KREMEN1: variants seen among roughly 807,000 people sequenced by gnomAD.
KREMEN1 encodes the protein kremen protein 1.
KREMEN1 carries 30 observed loss-of-function variants against 46.5 expected under a neutral mutation model. The observed-to-expected ratio is 0.65, with a 90% CI of 0.48 to 0.88. The LOEUF (loss-of-function observed/expected upper bound fraction) is 0.88. Among genes scored for constraint, KREMEN1 ranks in the 40% least tolerant of loss-of-function variants. KREMEN1 has a pLI of 0.00. For synonymous variants in KREMEN1, 214 were observed against 230.6 expected (o/e 0.93, Z 0.65); for missense variants, 533 against 596.9 (o/e 0.89, Z 1.11).
Position 29,143,824 on chromosome 22 carries a change from G to A in KREMEN1, c.*1712G>A. ...CAAGTGGGGTTAGGAATGGCTCAGT[G>A]GGGAAGGAGAGCACTCTTGTCCCCA... On this transcript the variant is annotated 3_prime_UTR_variant, in exon 9 of 9. Coordinates refer to ENST00000400335, the MANE Select transcript of KREMEN1 (RefSeq NM_001039570.3). 1.0e-6 allele frequency: 1 copy of A among 985,478 alleles called. No individual in the cohort carries two copies. Among genetic ancestry groups the A allele is most frequent in the Non-Finnish European group, 1.2e-6 (1 of 830,054 alleles). 61.0% of individuals were successfully genotyped at this position (985,478 alleles called of 1,614,324 possible). A position where few individuals can be genotyped will look rare whatever the true frequency, so the allele number is the denominator to read the frequency against.
intron 2 of KREMEN1, among the ~76,000 whole-genome samples, chr22:29,097,274 G>A (rs1295407970): frequency 6.6e-6 from 1 of 152,210 alleles, no homozygotes; most frequent in African/African-American, 2.4e-5. Context: ...TTTTCTGTGT[G>A]TCCAGTAGCC....
At chr22:29,141,873 A>C in intron 8 of KREMEN1, 71 bp from the exon 9 acceptor site, 1 of 1,236,626 alleles carries the variant, frequency 8.1e-7, no homozygotes, top group Non-Finnish European at 1.1e-6. Context: ...TCATAGATAC[A>C]GTATCTCGTG....
intron 4 of KREMEN1, among the ~76,000 whole-genome samples, chr22:29,124,275 C>T (rs2145819547): frequency 6.6e-6 from 1 of 152,216 alleles, no homozygotes; most frequent in Admixed American, 6.5e-5. Context: ...CTCTCAAAGA[C>T]ATTATGCTGA....
rs186542500 is a variant in KREMEN1, at chr22:29,166,416, T to G, written c.1417-628T>G. Among the ~76,000 whole-genome samples the G allele has an allele frequency of 1.9e-3, 285 of 152,294 alleles. 1 individual carries two copies. Among genetic ancestry groups the G allele is most frequent in the African/African-American group, 6.4e-3 (268 of 41,560 alleles). On this transcript the variant is annotated intron_variant, in intron 9 of 9. Transcript: ENST00000327813. The stretch of plus-strand genomic sequence containing the variant: ...GCTCCTCACATCTGCTGGGACTCAT[T>G]GACTTCTTCCACATGGTGTTTGGGC...
At chr22:29,099,009 G>A (rs535627987) in intron 3 of KREMEN1, 56 bp downstream of exon 3, 26 of 1,313,688 alleles carry the variant, frequency 2.0e-5, no homozygotes, top group Admixed American at 6.8e-5. Flanking sequence ...CTAAGAGTGC[G>A]TAGAGGGAGG....
rs186226073 is a variant in KREMEN1 at position 29,131,459 on chromosome 22, C to T, written c.632-5883C>T. On this transcript the variant is annotated intron_variant, in intron 5 of 8. Transcript: ENST00000400335. ...TTATCACCTCACAAGTTCCTTTCTGCTCCTTTGTGGTCAGTTCCCTTCCCC... is the reference window on the plus strand; with the variant it reads ...TTATCACCTCACAAGTTCCTTTCTGTTCCTTTGTGGTCAGTTCCCTTCCCC... 2.8e-3 allele frequency among the ~76,000 whole-genome samples: 406 copies of T among 144,340 alleles called. 2 individuals are homozygous for T. The highest frequency in any genetic ancestry group is 0.01 in the African/African-American group (382 of 37,144). The allele number at this position is 144,340 out of a possible 152,430, so 94.7% of individuals were successfully genotyped here.
intron 5 of KREMEN1, 70 bp from the exon 6 acceptor site, chr22:29,137,272 C>A: frequency 9.1e-7 from 1 of 1,103,956 alleles, no homozygotes; most frequent in Non-Finnish European, 1.2e-6. Flanking sequence ...GGCTTTAGTG[C>A]CTTGGTGTTG....
At chr22:29,105,004 G>A (rs1037804336) in intron 3 of KREMEN1, among the ~76,000 whole-genome samples, 10 of 152,162 alleles carry the variant, frequency 6.6e-5, no homozygotes, top group Non-Finnish European at 1.0e-4. Flanking sequence ...TGTACAAAAC[G>A]GGGGACACAA....
At chr22:29,105,374 A>G (rs1188640012) in intron 3 of KREMEN1, among the ~76,000 whole-genome samples, 1 of 127,950 alleles carries the variant, frequency 7.8e-6, no homozygotes, top group Non-Finnish European at 1.6e-5. Flanking sequence ...AAGGTTCTAG[A>G]TGTTAGGGCT....
At chr22:29,079,700 A>T (rs2037625309) in intron 1 of KREMEN1, among the ~76,000 whole-genome samples, 1 of 152,244 alleles carries the variant, frequency 6.6e-6, no homozygotes, top group Non-Finnish European at 1.5e-5. Flanking sequence ...TTTAAAGGTG[A>T]TTCAGAGCGG....
intron 1 of KREMEN1, among the ~76,000 whole-genome samples, chr22:29,074,518 A>G (rs761444408): frequency 1.3e-5 from 2 of 152,222 alleles, no homozygotes; most frequent in Non-Finnish European, 1.5e-5. Context: ...AATCCTTTCT[A>G]AGTGGAAGAG....
chr22:29,087,537 A>G (rs16987036), intron 1 of KREMEN1, among the ~76,000 whole-genome samples: 1,686 of 151,908 alleles, frequency 0.011, 27 homozygotes, highest in African/African-American at 0.039. Context: ...TAGATTAACT[A>G]CTGTTTTCCT....
chr22:29,120,458 G>A lies in KREMEN1; in HGVS notation c.353-899G>A, dbSNP rs866939133. On this transcript the variant is annotated intron_variant, in intron 3 of 8. Transcript: ENST00000400335. Reference sequence around the variant, plus strand: ...GAGGTGATGATGGAAACAGGGAGGAGGGAGACGTGATGATGGAAACAGGGA... The same window carrying A: ...GAGGTGATGATGGAAACAGGGAGGAAGGAGACGTGATGATGGAAACAGGGA... Among the ~76,000 whole-genome samples the A allele has an allele frequency of 6.3e-3, 547 of 87,240 alleles. 17 individuals are homozygous for A. The highest frequency in any genetic ancestry group is 0.021 in the East Asian group (36 of 1,746). The allele number at this position is 87,240 out of a possible 152,430, so 57.2% of individuals were successfully genotyped here. A position where few individuals can be genotyped will look rare whatever the true frequency, so the allele number is the denominator to read the frequency against.
chr22:29,124,673 A>G (rs1402366545), intron 4 of KREMEN1, among the ~76,000 whole-genome samples: 4 of 152,030 alleles, frequency 2.6e-5, no homozygotes, highest in Non-Finnish European at 5.9e-5. Context: ...TTGTATTTTT[A>G]GTAGAGACGG....
chr22:29,117,629 A>G (rs1372757317), intron 3 of KREMEN1, among the ~76,000 whole-genome samples: 1 of 152,142 alleles, frequency 6.6e-6, no homozygotes, highest in African/African-American at 2.4e-5. Flanking sequence ...TGTATAATAC[A>G]TAACTCTCAG....
At chr22:29,153,606 G>C (rs563112043) in intron 9 of KREMEN1, among the ~76,000 whole-genome samples, 1 of 151,954 alleles carries the variant, frequency 6.6e-6, no homozygotes, top group African/African-American at 2.4e-5. Context: ...TGATCCTCTC[G>C]TCTTGGCCTC....
At position 29,144,851 on chromosome 22, in the gene KREMEN1, AC is replaced by A. The variant is rs988724590; in HGVS notation, c.*2740del. On this transcript the variant is annotated 3_prime_UTR_variant, in exon 9 of 9. Coordinates refer to ENST00000400335, the MANE Select transcript of KREMEN1 (RefSeq NM_001039570.3). ...GCCATGCCCAAGCCAATGTGCTGTC[AC>A]AGCCTGCAGCGGGGGCAGCACTTCC... 3.0e-6 allele frequency: 3 copies of A among 985,398 alleles called. No homozygotes were observed. In the African/African-American group the frequency reaches 5.2e-5, roughly 17 times the overall value. The allele number at this position is 985,398 out of a possible 1,614,324, so 61.0% of individuals were successfully genotyped here. A position where few individuals can be genotyped will look rare whatever the true frequency, so the allele number is the denominator to read the frequency against.
intron 3 of KREMEN1, among the ~76,000 whole-genome samples, chr22:29,120,371 G>A (rs865801309): frequency 6.5e-5 from 9 of 138,894 alleles, no homozygotes; most frequent in South Asian, 4.6e-4. Flanking sequence ...AAATGGAGGA[G>A]GGAGAGGTGA....
intron 3 of KREMEN1, 152 bp downstream of exon 3, chr22:29,099,105 C>A: frequency 1.7e-6 from 1 of 605,482 alleles, no homozygotes; most frequent in Admixed American, 2.9e-5. Context: ...ATTTTCACTT[C>A]TCTTGTTGAG....
Sources: gnomAD v4.1 joint callset for allele counts (sites outside exome capture counted in the v4.1 genomes callset) on GRCh38, gnomAD v4.1.1 for gene constraint, MANE v1.5 for transcripts, NCBI Gene and HGNC (gene_info 2026-07-23, HGNC 2026-07-21) for gene names.